Variants in ACSL5 observed in about 807,000 individuals in gnomAD.
ACSL5 encodes the protein long-chain-fatty-acid--CoA ligase 5.
Under a neutral mutation model 84.9 loss-of-function variants are expected in ACSL5, and 50 were observed. The ratio of observed to expected loss-of-function variants is 0.59; its 90% CI spans 0.47 to 0.75. The LOEUF is 0.75. ACSL5 is among the 30% of genes least tolerant of loss of function. The pLI, the probability that ACSL5 is intolerant of heterozygous loss-of-function variation, is 0.00. For synonymous variants in ACSL5, 280 were observed against 300.7 expected (o/e 0.93, Z 0.71); for missense variants, 775 against 830.4 (o/e 0.93, Z 0.82).
intron 13 of ACSL5, 140 bp downstream of exon 13, chr10:112,417,162 A>G (rs1844333946): frequency 1.5e-6 from 1 of 658,320 alleles, no homozygotes; most frequent in Non-Finnish European, 2.3e-6. Context: ...GCCTTTTGAG[A>G]TCTTTCTTGT....
chr10:112,401,172 C>T (rs1487032297), intron 3 of ACSL5, among the ~76,000 whole-genome samples: 4 of 151,824 alleles, frequency 2.6e-5, no homozygotes, highest in Non-Finnish European at 4.4e-5. Flanking sequence ...GCCGAGATCG[C>T]GCCACTGCAC....
intron 12 of ACSL5, among the ~76,000 whole-genome samples, chr10:112,415,637 A>G (rs1302318825): frequency 6.6e-6 from 1 of 152,202 alleles, no homozygotes; most frequent in African/African-American, 2.4e-5. Context: ...GTACAATGAT[A>G]ATGTTATAGG....
At chr10:112,390,058 A>G (rs1849526115) in intron 1 of ACSL5, among the ~76,000 whole-genome samples, 1 of 151,522 alleles carries the variant, frequency 6.6e-6, no homozygotes. Flanking sequence ...GTGAGACACC[A>G]TATCTAAAAT....
chr10:112,420,320 A>G (rs887449017), intron 14 of ACSL5, among the ~76,000 whole-genome samples: 2 of 152,102 alleles, frequency 1.3e-5, no homozygotes, highest in Non-Finnish European at 1.5e-5. Flanking sequence ...TATCTTCTAT[A>G]CCAAGGATTG....
At chr10:112,395,846 T>C (rs1843736425) in intron 2 of ACSL5, 1 of 152,248 alleles carries the variant, frequency 6.6e-6, no homozygotes, top group Non-Finnish European at 1.5e-5. Flanking sequence ...TTTACAGTCT[T>C]CTCTTTCCAG....
intron 2 of ACSL5, among the ~76,000 whole-genome samples, chr10:112,396,823 C>G (rs1297754379): frequency 6.6e-6 from 1 of 152,152 alleles, no homozygotes; most frequent in Non-Finnish European, 1.5e-5. Flanking sequence ...CTTAAACAGA[C>G]AGCAAGACCC....
In ACSL5 at chr10:112,394,915, A is replaced by T; in HGVS notation, c.-29-3A>T. ...ATTTTCTTTCCCCTGTTTTTTTTTTAAGGTCTGAATTTCCTGCTGCTGTTC... is the reference window on the plus strand; with the variant it reads ...ATTTTCTTTCCCCTGTTTTTTTTTTTAGGTCTGAATTTCCTGCTGCTGTTC... On this transcript the variant is annotated splice_region_variant and splice_polypyrimidine_tract_variant and intron_variant, in intron 1 of 20. Transcript: ENST00000354655. 6.2e-7 allele frequency: 1 copy of T among 1,601,270 alleles called. No individual in the cohort carries two copies.
chr10:112,418,539 G>A (rs532013859), intron 14 of ACSL5, among the ~76,000 whole-genome samples: 15 of 151,900 alleles, frequency 9.9e-5, no homozygotes, highest in South Asian at 2.1e-4. Flanking sequence ...CTGAGATTGC[G>A]CCACTGCACT....
intron 1 of ACSL5, among the ~76,000 whole-genome samples, chr10:112,387,921 A>G (rs1849485057): frequency 6.7e-6 from 1 of 150,048 alleles, no homozygotes; most frequent in South Asian, 2.1e-4. Flanking sequence ...AGGTAACAGA[A>G]TGATTTATTT....
At chr10:112,379,524 AG>A (rs2133559210) in intron 1 of ACSL5, among the ~76,000 whole-genome samples, 1 of 152,312 alleles carries the variant, frequency 6.6e-6, no homozygotes, top group Non-Finnish European at 1.5e-5. Flanking sequence ...ATCTCGTAAT[AG>A]AACATCTGAT....
chr10:112,413,360 A>G (rs1343033547), intron 12 of ACSL5, 53 bp downstream of exon 12: 1 of 1,594,156 alleles, frequency 6.3e-7, no homozygotes, highest in Non-Finnish European at 8.6e-7. Flanking sequence ...GCACGAAGGA[A>G]CTCTGTACTA....
At chr10:112,403,478 G>C (rs562763331) in intron 3 of ACSL5, among the ~76,000 whole-genome samples, 1 of 152,316 alleles carries the variant, frequency 6.6e-6, no homozygotes, top group South Asian at 2.1e-4. Flanking sequence ...TAGAGACGGG[G>C]TTTCTCCATG....
In ACSL5 at chr10:112,376,246, C is replaced by G. The variant is rs1849235350; in HGVS notation, c.-30+1977C>G. On this transcript the variant is annotated intron_variant, in intron 1 of 20. Transcript: ENST00000354655. ...GAGCACGTTAGAAAGCCTGACATGGCCTGACTCGGGACAGCTCAGAGCAGG... is the reference window on the plus strand; with the variant it reads ...GAGCACGTTAGAAAGCCTGACATGGGCTGACTCGGGACAGCTCAGAGCAGG... 1.9e-6 allele frequency: 3 copies of G among 1,590,578 alleles called. No individual in the cohort carries two copies. The African/African-American group carries it at 4.0e-5, about 21-fold the overall frequency.
At chr10:112,411,843 G>A in intron 10 of ACSL5, 59 bp from the exon 11 acceptor site, 1 of 1,482,876 alleles carries the variant, frequency 6.7e-7, no homozygotes, top group East Asian at 2.3e-5. Context: ...AATCTCCATT[G>A]GAATTGAAAG....
chr10:112,416,746 C>G (rs909625656), intron 12 of ACSL5, 142 bp from the exon 13 acceptor site: 6 of 899,202 alleles, frequency 6.7e-6, no homozygotes, highest in South Asian at 3.6e-5. Context: ...CTGGGCTCAT[C>G]ATTATTCAGC....
Position 112,404,761 on chromosome 10 carries a change from A to T in ACSL5, c.387A>T (p.Ser129=). 1 of 1,614,084 alleles carries T rather than the reference A, an allele frequency of 6.2e-7. No homozygotes were observed. The highest frequency in any genetic ancestry group is 8.5e-7 in the Non-Finnish European group (1 of 1,179,972). Reference sequence around the variant, plus strand: ...GTCTCTTGCATAAAGGTTATAAATCATCACCAGACCAGTTTGTCGGCATCT... The same window carrying T: ...GTCTCTTGCATAAAGGTTATAAATCTTCACCAGACCAGTTTGTCGGCATCT... The part of the protein sequence containing the change: ...GSCLLHKGYK[S]SPDQFVGIFA... The change falls in exon 5 of 21, where the codon TCA becomes TCT. Residue 129 remains serine, a synonymous_variant. Transcript: ENST00000354655.
chr10:112,412,016 G>C, intron 11 of ACSL5, 37 bp downstream of exon 11: 1 of 1,551,646 alleles, frequency 6.4e-7, no homozygotes, highest in South Asian at 1.1e-5. Flanking sequence ...TGTGGCAAGG[G>C]GGTCCTGACT....
intron 1 of ACSL5, among the ~76,000 whole-genome samples, chr10:112,376,926 G>A (rs958715009): frequency 1.8e-4 from 28 of 151,842 alleles, no homozygotes; most frequent in African/African-American, 6.8e-4. Flanking sequence ...CCTTCCCAAT[G>A]CCCACTCCCT....
intron 1 of ACSL5, among the ~76,000 whole-genome samples, chr10:112,384,046 T>C (rs1849402583): frequency 6.6e-6 from 1 of 151,784 alleles, no homozygotes; most frequent in South Asian, 2.1e-4. Flanking sequence ...ATACAAAAAT[T>C]AGCCAGGCAC....
Sources: gnomAD v4.1 joint callset for allele counts (sites outside exome capture counted in the v4.1 genomes callset) on GRCh38, gnomAD v4.1.1 for gene constraint, MANE v1.5 for transcripts, NCBI Gene and HGNC (gene_info 2026-07-23, HGNC 2026-07-21) for gene names.